CTNNA2: variants seen among roughly 807,000 people sequenced by gnomAD.
CTNNA2 encodes the protein catenin alpha-2.
CTNNA2 carries 42 observed loss-of-function variants against 101.0 expected under a neutral mutation model. The observed-to-expected ratio is 0.42, with a 90% CI of 0.32 to 0.54. The LOEUF (loss-of-function observed/expected upper bound fraction) is 0.54, where lower values mean the gene tolerates loss of function less well. Ranked by LOEUF, CTNNA2 falls within the 20% of genes least tolerant of loss-of-function variation. The probability of loss-of-function intolerance (pLI) is 0.14; values close to 1 mark genes in which losing one functional copy is unlikely to be tolerated. For missense variants in CTNNA2, 871 were observed against 1,223.1 expected (o/e 0.71, Z 4.29); for synonymous variants, 450 against 456.4 (o/e 0.99, Z 0.18).
At chr2:80,322,333 A>C (rs1678779750) in intron 7 of CTNNA2, among the ~76,000 whole-genome samples, 1 of 152,172 alleles carries the variant, frequency 6.6e-6, no homozygotes, top group Non-Finnish European at 1.5e-5. Context: ...AAACAGACCC[A>C]TGAATGGGTG....
intron 1 of CTNNA2, among the ~76,000 whole-genome samples, chr2:79,567,511 C>T (rs1427382601): frequency 6.6e-6 from 1 of 152,040 alleles, no homozygotes; most frequent in African/African-American, 2.4e-5. Flanking sequence ...CTACCCTTCC[C>T]TTATTTTTCT....
intron 4 of CTNNA2, among the ~76,000 whole-genome samples, chr2:79,490,673 G>T (rs1671200069): frequency 6.6e-6 from 1 of 152,154 alleles, no homozygotes; most frequent in Non-Finnish European, 1.5e-5. Context: ...AAATGTGTGA[G>T]AGGCAAAGAC....
chr2:80,216,991 C>G (rs528586897), intron 7 of CTNNA2, among the ~76,000 whole-genome samples: 2 of 152,124 alleles, frequency 1.3e-5, no homozygotes, highest in East Asian at 3.9e-4. Context: ...GCGTACACCA[C>G]CACAACCAGC....
At chr2:79,342,721 G>C (rs1375742716) in intron 3 of CTNNA2, among the ~76,000 whole-genome samples, 1 of 152,108 alleles carries the variant, frequency 6.6e-6, no homozygotes, top group Non-Finnish European at 1.5e-5. Flanking sequence ...AATTGCAAAT[G>C]CATCCCTACC....
intron 3 of CTNNA2, among the ~76,000 whole-genome samples, chr2:79,758,330 A>G (rs1672536007): frequency 6.6e-6 from 1 of 152,226 alleles, no homozygotes; most frequent in African/African-American, 2.4e-5. Flanking sequence ...TTCTGATGTC[A>G]GTGACTTGAT....
At chr2:79,732,929 T>C (rs1390561969) in intron 2 of CTNNA2, among the ~76,000 whole-genome samples, 1 of 152,128 alleles carries the variant, frequency 6.6e-6, no homozygotes, top group Non-Finnish European at 1.5e-5. Context: ...TGGAGGTTGA[T>C]TTTAATGAGC....
At chr2:79,366,711 C>A (rs1677758768) in intron 3 of CTNNA2, among the ~76,000 whole-genome samples, 1 of 152,212 alleles carries the variant, frequency 6.6e-6, no homozygotes, top group African/African-American at 2.4e-5. Context: ...CAACATTCAA[C>A]ACAAACTGTG....
chr2:80,322,433 T>C (rs1678790768), intron 7 of CTNNA2, among the ~76,000 whole-genome samples: 1 of 152,150 alleles, frequency 6.6e-6, no homozygotes, highest in South Asian at 2.1e-4. Context: ...CTATTTACCA[T>C]TGTCATAGTA....
chr2:79,615,543 T>C lies in CTNNA2; in HGVS notation c.-5-36009T>C, dbSNP rs564533139. On this transcript the variant is annotated intron_variant, in intron 1 of 18. Coordinates refer to ENST00000402739, the MANE Select transcript of CTNNA2 (RefSeq NM_001282597.3). ...CAGTACCTTTTAAATTATACATGGT[T>C]GTGTGAAAGAGTATATTCCTGATAG... Among the ~76,000 whole-genome samples, 24 of 152,332 alleles carry C rather than the reference T, an allele frequency of 1.6e-4. No individual in the cohort carries two copies. The South Asian group carries it at 3.5e-3, about 22-fold the overall frequency.
At chr2:79,315,551 A>G (rs1395016244) in intron 3 of CTNNA2, among the ~76,000 whole-genome samples, 2 of 152,202 alleles carry the variant, frequency 1.3e-5, no homozygotes, top group Admixed American at 6.5e-5. Context: ...AGTAAAATCC[A>G]TTCAAGTTTT....
At chr2:80,189,467 C>T (rs553816033) in intron 7 of CTNNA2, among the ~76,000 whole-genome samples, 42 of 152,222 alleles carry the variant, frequency 2.8e-4, no homozygotes, top group Non-Finnish European at 4.9e-4. Flanking sequence ...GTATCCCATT[C>T]TTCCCTGCAG....
At chr2:79,816,012 G>A (rs1477999057) in intron 3 of CTNNA2, among the ~76,000 whole-genome samples, 1 of 151,338 alleles carries the variant, frequency 6.6e-6, no homozygotes, top group Non-Finnish European at 1.5e-5. Flanking sequence ...TTTTTTTGTA[G>A]CTATTGTAAA....
chr2:80,188,776 C>A (rs1265084866), intron 7 of CTNNA2, among the ~76,000 whole-genome samples: 1 of 152,056 alleles, frequency 6.6e-6, no homozygotes, highest in Non-Finnish European at 1.5e-5. Flanking sequence ...GAGGTAACCT[C>A]CCCGTCTCAA....
chr2:80,054,880 A>G (rs1638367030), intron 7 of CTNNA2, among the ~76,000 whole-genome samples: 1 of 152,054 alleles, frequency 6.6e-6, no homozygotes, highest in Non-Finnish European at 1.5e-5. Context: ...CACCTGAAAT[A>G]TCTTAGTTTT....
rs781414965 is a variant in CTNNA2, at chr2:79,187,270, C to CTTTTTTTTTTT, written c.-524+1846_-524+1856dup. Among the ~76,000 whole-genome samples, 451 of 65,398 alleles carry CTTTTTTTTTTT rather than the reference C, an allele frequency of 6.9e-3. 36 individuals are homozygous for CTTTTTTTTTTT. The highest frequency in any genetic ancestry group is 0.024 in the African/African-American group (339 of 13,932). 42.9% of individuals were successfully genotyped at this position (65,398 alleles called of 152,430 possible). On this transcript the variant is annotated intron_variant, in intron 1 of 21. Coordinates refer to the CTNNA2 transcript ENST00000466387. ...CTTTTCTTTTCTTTTCTTTTCTTTT[C>CTTTTTTTTTTT]TTTTTTTTTTTTTTTTTGAGACAGA...
At chr2:79,294,548 A>G (rs1476114118) in intron 2 of CTNNA2, among the ~76,000 whole-genome samples, 1 of 152,164 alleles carries the variant, frequency 6.6e-6, no homozygotes, top group Non-Finnish European at 1.5e-5. Flanking sequence ...TCCCCAAACC[A>G]TCAACCTCCT....
At position 79,279,860 on chromosome 2, in the gene CTNNA2, C is replaced by T. The variant is rs115131062; in HGVS notation, c.-405-32849C>T. On this transcript the variant is annotated intron_variant, in intron 2 of 21. Coordinates refer to the CTNNA2 transcript ENST00000466387. ...TTTTGTTCATTCCCTAAGCATTGTC[C>T]TGTTAGCCCATCTCCCCAGAACATT... Among the ~76,000 whole-genome samples, 887 of 152,130 alleles carry T rather than the reference C, an allele frequency of 5.8e-3. 7 individuals are homozygous for T. The highest frequency in any genetic ancestry group is 0.02 in the Middle Eastern group (6 of 294).
chr2:79,401,992 C>T (rs977484169), intron 4 of CTNNA2, among the ~76,000 whole-genome samples: 1 of 151,388 alleles, frequency 6.6e-6, no homozygotes, highest in East Asian at 1.9e-4. Context: ...TCATTAGTAC[C>T]CAAATAGCCA....
At chr2:79,472,334 A>T (rs1030339180) in intron 4 of CTNNA2, among the ~76,000 whole-genome samples, 6 of 152,134 alleles carry the variant, frequency 3.9e-5, no homozygotes, top group Admixed American at 1.3e-4. Context: ...AGGAGTCTCA[A>T]ATCTAGAGCT....
Sources: allele counts gnomAD v4.1 joint callset (sites outside exome capture counted in the v4.1 genomes callset), GRCh38; gene constraint gnomAD v4.1.1; transcripts MANE v1.5; gene names NCBI Gene and HGNC (gene_info 2026-07-23, HGNC 2026-07-21).